The following STX8 variants were observed in gnomAD, a reference collection of about 807,000 sequenced individuals.
STX8 encodes syntaxin 8, also known as syntaxin-8.
In STX8, 23 loss-of-function variants were observed where a neutral mutation model predicts 37.5. That is an observed-to-expected ratio of 0.61 (90% CI 0.44 to 0.87). The LOEUF is 0.87. Ranked by LOEUF, STX8 falls within the 40% of genes least tolerant of loss-of-function variation. The pLI is 0.00. For synonymous variants in STX8, 115 were observed against 99.1 expected, an observed-to-expected ratio of 1.16 and a Z score of -0.95; for missense variants, 313 against 284.7, an observed-to-expected ratio of 1.10 and a Z score of -0.71.
At chr17:9,561,988 G>GA (rs1256457118) in intron 2 of STX8, among the ~76,000 whole-genome samples, 8 of 151,566 alleles carry the variant, frequency 5.3e-5, no homozygotes, top group Non-Finnish European at 7.4e-5. Context: ...TGTAAAAGAT[G>GA]AAACCATATA....
intron 4 of STX8, among the ~76,000 whole-genome samples, chr17:9,520,564 C>T (rs978933416): frequency 2.0e-5 from 3 of 152,128 alleles, no homozygotes; most frequent in Non-Finnish European, 4.4e-5. Flanking sequence ...TCAGTAAATA[C>T]GTTAGATATC....
At chr17:9,476,165 C>T (rs1008982150) in intron 6 of STX8, among the ~76,000 whole-genome samples, 10 of 152,138 alleles carry the variant, frequency 6.6e-5, no homozygotes, top group Non-Finnish European at 8.8e-5. Flanking sequence ...GGCGACAGAG[C>T]GAGACTCCGT....
intron 7 of STX8, among the ~76,000 whole-genome samples, chr17:9,368,059 A>G (rs556095267): frequency 1.4e-4 from 21 of 152,338 alleles, no homozygotes; most frequent in Admixed American, 2.0e-4. Context: ...ATACAGTATT[A>G]TCATAATCTT....
At chr17:9,271,173 G>T (rs1332838792) in intron 7 of STX8, among the ~76,000 whole-genome samples, 1 of 152,244 alleles carries the variant, frequency 6.6e-6, no homozygotes. Context: ...GCAACTTCAG[G>T]CTGGACGTAG....
At chr17:9,269,776 T>C (rs1214959651) in intron 7 of STX8, among the ~76,000 whole-genome samples, 1 of 152,180 alleles carries the variant, frequency 6.6e-6, no homozygotes, top group Non-Finnish European at 1.5e-5. Flanking sequence ...TGCCACACTC[T>C]CTCACACCTC....
intron 6 of STX8, among the ~76,000 whole-genome samples, chr17:9,441,362 C>A (rs1017489955): frequency 6.6e-6 from 1 of 151,574 alleles, no homozygotes; most frequent in African/African-American, 2.4e-5. Flanking sequence ...TGGTGGCATG[C>A]ACCTGTAGTC....
chr17:9,458,992 G>A (rs969887877), intron 6 of STX8, among the ~76,000 whole-genome samples: 12 of 151,928 alleles, frequency 7.9e-5, no homozygotes, highest in African/African-American at 2.9e-4. Context: ...ACCACGCCCG[G>A]CTAATGCTTT....
chr17:9,379,021 G>A (rs139602950), intron 6 of STX8, among the ~76,000 whole-genome samples: 3,783 of 152,188 alleles, frequency 0.025, 155 homozygotes, highest in African/African-American at 0.085. Context: ...GAGGAGGGAG[G>A]ATTGCCTGAG....
At chr17:9,321,337 C>G (rs1307648468) in intron 7 of STX8, among the ~76,000 whole-genome samples, 1 of 151,880 alleles carries the variant, frequency 6.6e-6, no homozygotes, top group Non-Finnish European at 1.5e-5. Context: ...CGAGATCAGC[C>G]TGGCCAACAT....
chr17:9,451,329 C>G (rs1271056576), intron 6 of STX8, among the ~76,000 whole-genome samples: 1 of 152,146 alleles, frequency 6.6e-6, no homozygotes, highest in South Asian at 2.1e-4. Flanking sequence ...CACTTTGTTA[C>G]TAAGTGTGTG....
intron 6 of STX8, among the ~76,000 whole-genome samples, chr17:9,490,221 G>C (rs1906795126): frequency 6.6e-6 from 1 of 152,136 alleles, no homozygotes. Context: ...ATTTATGACA[G>C]ATAAATGGAA....
intron 7 of STX8, among the ~76,000 whole-genome samples, chr17:9,277,471 C>T (rs1907716379): frequency 6.6e-6 from 1 of 152,032 alleles, no homozygotes; most frequent in African/African-American, 2.4e-5. Context: ...GCCAGTCAGC[C>T]TCCATCTGCT....
intron 3 of STX8, among the ~76,000 whole-genome samples, chr17:9,549,492 C>T (rs527740682): frequency 2.7e-4 from 41 of 152,298 alleles, no homozygotes; most frequent in African/African-American, 9.6e-4. Flanking sequence ...TAGGTGACAG[C>T]TCTTTCAACC....
intron 7 of STX8, chr17:9,283,024 G>A (rs191132883): frequency 2.0e-5 from 3 of 151,936 alleles, no homozygotes; most frequent in African/African-American, 4.8e-5. Context: ...GAGAGTTTAC[G>A]TATTTGCTGT....
At chr17:9,347,609 C>T (rs1436625832) in intron 7 of STX8, among the ~76,000 whole-genome samples, 1 of 152,120 alleles carries the variant, frequency 6.6e-6, no homozygotes, top group Non-Finnish European at 1.5e-5. Context: ...CTCTGCCTCC[C>T]AGGTTCAAGC....
chr17:9,406,178 G>A (rs184192129), intron 6 of STX8, among the ~76,000 whole-genome samples: 66 of 152,278 alleles, frequency 4.3e-4, no homozygotes, highest in Middle Eastern at 6.8e-3. Flanking sequence ...TGCAGTACAT[G>A]GCAAGCAATT....
intron 7 of STX8, among the ~76,000 whole-genome samples, chr17:9,282,802 C>T (rs1484619494): frequency 1.3e-5 from 2 of 152,192 alleles, no homozygotes; most frequent in Non-Finnish European, 1.5e-5. Context: ...TGGCCGCATG[C>T]ATAACCAGCC....
chr17:9,259,513 C>T (rs777262824), intron 7 of STX8, among the ~76,000 whole-genome samples: 4 of 152,178 alleles, frequency 2.6e-5, no homozygotes, highest in South Asian at 2.1e-4. Context: ...CAATTCTCTC[C>T]GAGGCCCGGC....
intron 7 of STX8, among the ~76,000 whole-genome samples, chr17:9,334,369 A>T (rs1910073259): frequency 2.6e-5 from 4 of 152,078 alleles, no homozygotes; most frequent in South Asian, 2.1e-4. Context: ...CAAGAAGGAA[A>T]TTTTTTCTGG....
Sources: allele counts gnomAD v4.1 joint callset (sites outside exome capture counted in the v4.1 genomes callset), GRCh38; gene constraint gnomAD v4.1.1; transcripts MANE v1.5; gene names NCBI Gene and HGNC (gene_info 2026-07-23, HGNC 2026-07-21).